Variants in MEOX2 observed in about 807,000 individuals in gnomAD.
The protein encoded by MEOX2 is mesenchyme homeobox 2, also known as homeobox protein MOX-2.
A neutral mutation model predicts 27.0 loss-of-function variants in MEOX2; 11 were observed. That is an observed-to-expected ratio of 0.41 (90% CI 0.26 to 0.68). MEOX2 has a LOEUF of 0.68. Ranked by LOEUF, MEOX2 falls within the 30% of genes least tolerant of loss-of-function variation. The pLI, the probability that MEOX2 is intolerant of heterozygous loss-of-function variation, is 0.33. For missense variants in MEOX2, 436 were observed against 385.4 expected (o/e 1.13, Z -1.10); for synonymous variants, 189 against 155.4 (o/e 1.22, Z -1.61).
chr7:15,633,275 A>C (rs1335062584), intron 1 of MEOX2, among the ~76,000 whole-genome samples: 1 of 151,926 alleles, frequency 6.6e-6, no homozygotes, highest in Non-Finnish European at 1.5e-5. Context: ...AAGCTTCCAC[A>C]TGTGTCCCCC....
At chr7:15,676,179 T>C (rs1029223924) in intron 1 of MEOX2, 2 of 152,174 alleles carry the variant, frequency 1.3e-5, no homozygotes, top group Admixed American at 1.3e-4. Flanking sequence ...TTCTCTTTTA[T>C]CTCTATCTAA....
intron 1 of MEOX2, among the ~76,000 whole-genome samples, chr7:15,648,588 C>G (rs1781686290): frequency 6.6e-6 from 1 of 152,010 alleles, no homozygotes; most frequent in Non-Finnish European, 1.5e-5. Context: ...TCTCCACATT[C>G]CATAAAAATG....
intron 1 of MEOX2, among the ~76,000 whole-genome samples, chr7:15,642,930 CG>C (rs1781584974): frequency 6.6e-6 from 1 of 152,172 alleles, no homozygotes; most frequent in East Asian, 1.9e-4. Flanking sequence ...TTTGTTTGTA[CG>C]TTGTAGTAGT....
At chr7:15,623,892 A>G (rs968827271) in intron 2 of MEOX2, among the ~76,000 whole-genome samples, 1 of 152,246 alleles carries the variant, frequency 6.6e-6, no homozygotes, top group African/African-American at 2.4e-5. Flanking sequence ...TCTTTAGCTT[A>G]AGATTTTACT....
At chr7:15,628,865 C>A (rs1383459243) in intron 1 of MEOX2, among the ~76,000 whole-genome samples, 1 of 152,194 alleles carries the variant, frequency 6.6e-6, no homozygotes, top group South Asian at 2.1e-4. Flanking sequence ...GTTCTTGCAG[C>A]CTGCAAACTC....
chr7:15,649,351 G>T (rs1781699917), intron 1 of MEOX2, among the ~76,000 whole-genome samples: 1 of 151,910 alleles, frequency 6.6e-6, no homozygotes, highest in African/African-American at 2.4e-5. Context: ...CATCAGAAAT[G>T]GACAAAAATA....
At position 15,640,254 on chromosome 7, in the gene MEOX2, T is replaced by G. The variant is rs368946758; in HGVS notation, c.518-13336A>C. On this transcript the variant is annotated intron_variant, in intron 1 of 2. Transcript: ENST00000262041. ...CTGTTTGGGGGTTGTGTGTGTGTGT[T>G]TGTGTGTGTGTGTGTGTGTGTGTGT... is the stretch of plus-strand genomic sequence containing the variant. Among the ~76,000 whole-genome samples the G allele has an allele frequency of 6.2e-3, 908 of 145,978 alleles. 6 individuals are homozygous for G. Among genetic ancestry groups the G allele is most frequent in the Non-Finnish European group, 9.7e-3 (636 of 65,564 alleles).
At chr7:15,674,778 C>A (rs192611534) in intron 1 of MEOX2, among the ~76,000 whole-genome samples, 41 of 152,160 alleles carry the variant, frequency 2.7e-4, no homozygotes, top group African/African-American at 8.9e-4. Flanking sequence ...ACAGATGGGT[C>A]TGGTGTTTAC....
chr7:15,652,150 T>C (rs568564707), intron 1 of MEOX2, among the ~76,000 whole-genome samples: 150 of 152,202 alleles, frequency 9.9e-4, no homozygotes, highest in Non-Finnish European at 1.9e-3. Context: ...TCATTTTCGT[T>C]TGACTTTTCT....
intron 2 of MEOX2, among the ~76,000 whole-genome samples, chr7:15,617,777 T>G (rs1583737474): frequency 6.6e-6 from 1 of 152,210 alleles, no homozygotes; most frequent in East Asian, 1.9e-4. Context: ...TTGGGAATCA[T>G]TTTCCTACCT....
At chr7:15,621,764 T>A (rs534476548) in intron 2 of MEOX2, among the ~76,000 whole-genome samples, 1 of 152,298 alleles carries the variant, frequency 6.6e-6, no homozygotes, top group East Asian at 1.9e-4. Flanking sequence ...ACAATATGTC[T>A]AAAGACTAGT....
chr7:15,621,088 A>G (rs975731901), intron 2 of MEOX2, among the ~76,000 whole-genome samples: 10 of 152,210 alleles, frequency 6.6e-5, no homozygotes, highest in African/African-American at 2.4e-4. Flanking sequence ...AAGCTTGTCC[A>G]AATTAAAAAT....
intron 1 of MEOX2, 116 bp downstream of exon 1, chr7:15,685,770 G>A (rs1782369087): frequency 6.5e-6 from 9 of 1,394,686 alleles, no homozygotes; most frequent in Middle Eastern, 5.2e-4. Context: ...GCCACAGAGG[G>A]CAACACATTC....
chr7:15,660,917 G>T (rs1041186290), intron 1 of MEOX2, among the ~76,000 whole-genome samples: 3 of 149,408 alleles, frequency 2.0e-5, no homozygotes, highest in Non-Finnish European at 4.4e-5. Context: ...GGAGGCTGAG[G>T]TGGGAGGATC....
At chr7:15,682,188 T>G (rs1050518225) in intron 1 of MEOX2, among the ~76,000 whole-genome samples, 2 of 151,764 alleles carry the variant, frequency 1.3e-5, no homozygotes, top group Non-Finnish European at 3.0e-5. Flanking sequence ...ATCTTCAAGA[T>G]CCAGTATATT....
intron 2 of MEOX2, among the ~76,000 whole-genome samples, chr7:15,618,463 C>T (rs371423064): frequency 2.6e-5 from 4 of 152,104 alleles, no homozygotes; most frequent in African/African-American, 9.6e-5. Context: ...CTGAGACCAA[C>T]TAGAATGATG....
chr7:15,640,476 G>A (rs1315771585), intron 1 of MEOX2, among the ~76,000 whole-genome samples: 3 of 152,144 alleles, frequency 2.0e-5, no homozygotes, highest in African/African-American at 7.2e-5. Flanking sequence ...TCAGTAAACA[G>A]AGGTAAATTG....
intron 1 of MEOX2, among the ~76,000 whole-genome samples, chr7:15,645,297 G>A (rs1261669994): frequency 2.0e-5 from 3 of 152,148 alleles, no homozygotes; most frequent in African/African-American, 7.2e-5. Flanking sequence ...CCATAAATAA[G>A]TACAAAAGAT....
chr7:15,672,624 G>A (rs1782118740), intron 1 of MEOX2, among the ~76,000 whole-genome samples: 1 of 152,044 alleles, frequency 6.6e-6, no homozygotes, highest in Non-Finnish European at 1.5e-5. Context: ...AGGTCGCGGT[G>A]GCTCACACCC....
Sources: allele counts gnomAD v4.1 joint callset (sites outside exome capture counted in the v4.1 genomes callset), GRCh38; gene constraint gnomAD v4.1.1; transcripts MANE v1.5; gene names NCBI Gene and HGNC (gene_info 2026-07-23, HGNC 2026-07-21).